Variants in CCDC63 observed in about 807,000 individuals in gnomAD.
CCDC63 encodes the protein coiled-coil domain-containing protein 63.
CCDC63 carries 54 observed loss-of-function variants against 63.6 expected under a neutral mutation model. That is an observed-to-expected ratio of 0.85 (90% CI 0.68 to 1.07). CCDC63 has a LOEUF of 1.07. Ranked by LOEUF, CCDC63 falls within the 50% of genes least tolerant of loss-of-function variation. The pLI is 0.00. For synonymous variants in CCDC63, 253 were observed against 266.1 expected, an observed-to-expected ratio of 0.95 and a Z score of 0.48; for missense variants, 637 against 689.6, an observed-to-expected ratio of 0.92 and a Z score of 0.86.
chr12:110,856,168 C>A (rs932158870), intron 3 of CCDC63, among the ~76,000 whole-genome samples: 1 of 151,320 alleles, frequency 6.6e-6, no homozygotes, highest in Non-Finnish European at 1.5e-5. Flanking sequence ...TCACTGCAAC[C>A]TCTGCCTTCC....
In CCDC63 at chr12:110,884,079, G is replaced by A; in HGVS notation, c.903G>A (p.Glu301=). 1 of 1,614,134 alleles carries A rather than the reference G, an allele frequency of 6.2e-7. No individual in the cohort carries two copies. The highest frequency in any genetic ancestry group is 1.3e-5 in the African/African-American group (1 of 75,034). The change falls in exon 8 of 12, where the codon GAG becomes GAA. Residue 301 remains glutamate (E), a synonymous_variant. Coordinates refer to ENST00000308208, the MANE Select transcript of CCDC63 (RefSeq NM_152591.3). ...AGAAGAACAGGGGAGAGAGTTTTGA[G>A]AGCTATGAGGTGGCCCACCTCCGGC... ...HVKKNRGESF[E]SYEVAHLRLL...
intron 11 of CCDC63, among the ~76,000 whole-genome samples, chr12:110,905,901 T>TAATATATATTATATTATATAA (rs2071557120): frequency 2.7e-4 from 1 of 3,764 alleles, no homozygotes; most frequent in African/African-American, 7.4e-4. Context: ...ATATTATATA[T>TAATATATATTATATTATATAA]AATATATATT....
At chr12:110,903,005 C>T (rs746527182) in intron 10 of CCDC63, among the ~76,000 whole-genome samples, 6 of 152,038 alleles carry the variant, frequency 3.9e-5, no homozygotes, top group African/African-American at 1.2e-4. Flanking sequence ...GCCTCAGCCT[C>T]GCATGTAGCT....
chr12:110,857,511 G>A (rs2070789388), intron 3 of CCDC63, among the ~76,000 whole-genome samples: 1 of 152,142 alleles, frequency 6.6e-6, no homozygotes, highest in Non-Finnish European at 1.5e-5. Context: ...AGCAGATTCT[G>A]ATCCAATTGG....
In CCDC63 at chr12:110,873,887, G is replaced by T. The variant is rs375546177; in HGVS notation, c.415G>T (p.Ala139Ser). The T allele has an allele frequency of 1.6e-5, 26 of 1,611,424 alleles. No homozygotes were observed. Among genetic ancestry groups the T allele is most frequent in the Non-Finnish European group, 2.0e-5 (24 of 1,179,222 alleles). The change falls in exon 5 of 12, where the codon GCA (alanine) becomes TCA (serine). Residue 139 changes from alanine (A) to serine (S), a missense_variant. Transcript: ENST00000308208. ...AATCGCAAACCAAAAACAGATTTTC[G>T]CAAAAATGCAGGAGGCCAATAACCC... ...KKIANQKQIF[A>S]KMQEANNPRK...
chr12:110,859,017 C>A (rs562146335), intron 4 of CCDC63, among the ~76,000 whole-genome samples: 1 of 152,148 alleles, frequency 6.6e-6, no homozygotes, highest in Non-Finnish European at 1.5e-5. Flanking sequence ...CCTGCTGCAC[C>A]GTGAATAAAC....
intron 1 of CCDC63, among the ~76,000 whole-genome samples, chr12:110,848,642 C>T (rs1270937980): frequency 3.3e-5 from 5 of 152,176 alleles, no homozygotes; most frequent in East Asian, 3.8e-4. Context: ...AAACAGGCTA[C>T]GTTCGCCCAG....
In CCDC63 at chr12:110,879,952, G is replaced by A. The variant is rs142788118; in HGVS notation, c.536G>A (p.Arg179Gln). The change falls in exon 6 of 12, where the codon CGG (arginine) becomes CAG (glutamine). Residue 179 changes from arginine to glutamine, a missense_variant. Physicochemically the swap from Arg to Gln is conservative, Grantham distance 43. Coordinates refer to ENST00000308208, the MANE Select transcript of CCDC63 (RefSeq NM_152591.3). Reference protein sequence around the residue: ...DKMLTTNAKLRKEIEDLRFEK... With the variant: ...DKMLTTNAKLQKEIEDLRFEK... ...ATGCTGACCACTAATGCCAAGCTCC[G>A]GAAGGAGATTGAAGACCTACGATTT... The A allele has an allele frequency of 7.6e-5, 122 of 1,614,028 alleles. No homozygotes were observed. The highest frequency in any genetic ancestry group is 9.3e-5 in the Non-Finnish European group (110 of 1,180,022).
intron 2 of CCDC63, 86 bp downstream of exon 2, chr12:110,853,049 C>A: frequency 7.0e-7 from 1 of 1,431,880 alleles, no homozygotes; most frequent in Non-Finnish European, 9.8e-7. Flanking sequence ...CTCGTCTCAT[C>A]CTGACAAACA....
In CCDC63 at chr12:110,874,743, G is replaced by T. The variant is rs560025571; in HGVS notation, c.489+782G>T. Among the ~76,000 whole-genome samples, 49 of 152,290 alleles carry T rather than the reference G, an allele frequency of 3.2e-4. 1 individual carries two copies. In the South Asian group the frequency reaches 9.7e-3, roughly 30 times the overall value. On this transcript the variant is annotated intron_variant, in intron 5 of 11. Coordinates refer to ENST00000308208, the MANE Select transcript of CCDC63 (RefSeq NM_152591.3). ...CATGTGCCCATTTCTGAACCAATCA[G>T]GGTGGGTGGTCAGAAGAATGAAATA...
chr12:110,850,705 C>G (rs528686491), intron 1 of CCDC63, among the ~76,000 whole-genome samples: 6 of 152,202 alleles, frequency 3.9e-5, no homozygotes, highest in Non-Finnish European at 8.8e-5. Flanking sequence ...TGTGCCGTTG[C>G]ACTCCAGCCT....
chr12:110,857,283 C>G (rs113111114), intron 3 of CCDC63, among the ~76,000 whole-genome samples: 1 of 151,754 alleles, frequency 6.6e-6, no homozygotes, highest in Non-Finnish European at 1.5e-5. Context: ...CCACCACCCC[C>G]CCCGGCTAAT....
intron 5 of CCDC63, 74 bp downstream of exon 5, chr12:110,874,035 C>G (rs1476200078): frequency 6.5e-7 from 1 of 1,530,540 alleles, no homozygotes; most frequent in Non-Finnish European, 8.8e-7. Flanking sequence ...GATGTCTGCC[C>G]AGCCATTAGC....
intron 10 of CCDC63, among the ~76,000 whole-genome samples, chr12:110,904,091 C>G (rs2136752010): frequency 6.6e-6 from 1 of 152,276 alleles, no homozygotes; most frequent in African/African-American, 2.4e-5. Flanking sequence ...CACGATGGCT[C>G]ACGCCTGTAA....
At chr12:110,867,204 GCGGC>G in intron 4 of CCDC63, among the ~76,000 whole-genome samples, 1 of 140,384 alleles carries the variant, frequency 7.1e-6, no homozygotes. Context: ...CCCGGACGGG[GCGGC>G]TGGCCGGGCG....
At chr12:110,888,157 G>A (rs1447816287) in intron 8 of CCDC63, among the ~76,000 whole-genome samples, 6 of 152,156 alleles carry the variant, frequency 3.9e-5, no homozygotes, top group Admixed American at 1.3e-4. Context: ...GGGCCTTTGA[G>A]TTGCTAACTG....
At chr12:110,854,251 T>A (rs1188742975) in intron 3 of CCDC63, among the ~76,000 whole-genome samples, 1 of 107,996 alleles carries the variant, frequency 9.3e-6, no homozygotes, top group East Asian at 2.5e-4. Flanking sequence ...CAATCATTTC[T>A]TTTCTTTTTT....
At position 110,907,529 on chromosome 12, in the gene CCDC63, T is replaced by C. The variant is rs2071609773; in HGVS notation, c.*53T>C. On this transcript the variant is annotated 3_prime_UTR_variant, in exon 12 of 12. Transcript: ENST00000308208. The surrounding 1 kb of genome is among the most constrained non-coding windows in gnomAD (Gnocchi z 4.4). ...CATAACCGAAAGAATAAATGTTTTG[T>C]TCTGTAGCCTCGTGCCTGTCACACA... The C allele has an allele frequency of 6.2e-7, 1 of 1,605,950 alleles. No homozygotes were observed. Among genetic ancestry groups the C allele is most frequent in the Non-Finnish European group, 8.5e-7 (1 of 1,174,460 alleles).
At chr12:110,850,131 A>G (rs759958895) in intron 1 of CCDC63, among the ~76,000 whole-genome samples, 4 of 152,264 alleles carry the variant, frequency 2.6e-5, no homozygotes, top group Non-Finnish European at 4.4e-5. Context: ...CATGGTTGGC[A>G]GATGACTTCT....
Sources: allele counts gnomAD v4.1 joint callset (sites outside exome capture counted in the v4.1 genomes callset), GRCh38; gene constraint gnomAD v4.1.1; non-coding constraint Gnocchi (gnomAD v3.1); transcripts MANE v1.5; gene names NCBI Gene and HGNC (gene_info 2026-07-23, HGNC 2026-07-21).